ATRNL1: variants seen among roughly 807,000 people sequenced by gnomAD.
ATRNL1 encodes the protein attractin-like protein 1.
A neutral mutation model predicts 182.7 loss-of-function variants in ATRNL1; 95 were observed. That is an observed-to-expected ratio of 0.52 (90% CI 0.44 to 0.62). The LOEUF is 0.62. Ranked by LOEUF, ATRNL1 falls within the 20% of genes least tolerant of loss-of-function variation. The pLI is 0.00. For synonymous variants in ATRNL1, 576 were observed against 568.3 expected, an observed-to-expected ratio of 1.01 and a Z score of -0.19; for missense variants, 1,471 against 1,679.5, an observed-to-expected ratio of 0.88 and a Z score of 2.17.
intron 26 of ATRNL1, among the ~76,000 whole-genome samples, chr10:115,638,837 T>TA (rs1225774399): frequency 2.6e-5 from 4 of 152,274 alleles, no homozygotes; most frequent in East Asian, 3.9e-4. Context: ...AAATTGCGGA[T>TA]AAAACAATAG....
At chr10:115,136,159 T>C (rs1175862425) in intron 5 of ATRNL1, among the ~76,000 whole-genome samples, 1 of 152,186 alleles carries the variant, frequency 6.6e-6, no homozygotes, top group Non-Finnish European at 1.5e-5. Flanking sequence ...CACAAGTTTG[T>C]TGTATAATAT....
At chr10:115,499,804 C>T (rs554181529) in intron 24 of ATRNL1, among the ~76,000 whole-genome samples, 2 of 152,122 alleles carry the variant, frequency 1.3e-5, no homozygotes. Flanking sequence ...GGCTGGTTGG[C>T]CCTAAGCAGT....
intron 21 of ATRNL1, among the ~76,000 whole-genome samples, chr10:115,450,993 T>G (rs1368709049): frequency 6.6e-6 from 1 of 152,130 alleles, no homozygotes; most frequent in Non-Finnish European, 1.5e-5. Context: ...CATCTGATCT[T>G]CAATAAAGCT....
intron 19 of ATRNL1, among the ~76,000 whole-genome samples, chr10:115,353,705 C>A (rs1416716978): frequency 1.3e-5 from 2 of 151,928 alleles, no homozygotes; most frequent in African/African-American, 4.8e-5. Flanking sequence ...TAATTCCTTG[C>A]TTTTTATTTT....
intron 27 of ATRNL1, among the ~76,000 whole-genome samples, chr10:115,847,411 T>G (rs1390636332): frequency 3.3e-5 from 5 of 152,106 alleles, no homozygotes; most frequent in Admixed American, 3.3e-4. Context: ...GATGAATATG[T>G]TACTTCGATT....
At chr10:115,455,565 A>T (rs1847482494) in intron 21 of ATRNL1, among the ~76,000 whole-genome samples, 1 of 152,214 alleles carries the variant, frequency 6.6e-6, no homozygotes, top group Non-Finnish European at 1.5e-5. Context: ...CATTCAGGAC[A>T]TAGGCATGGG....
intron 26 of ATRNL1, among the ~76,000 whole-genome samples, chr10:115,583,067 A>G (rs1313528816): frequency 1.3e-5 from 2 of 150,014 alleles, no homozygotes; most frequent in African/African-American, 2.4e-5. Context: ...CATATGTGGC[A>G]TTATTTCTGA....
intron 10 of ATRNL1, among the ~76,000 whole-genome samples, chr10:115,255,417 C>G (rs188439926): frequency 6.6e-6 from 1 of 152,262 alleles, no homozygotes; most frequent in East Asian, 1.9e-4. Flanking sequence ...TGGGAGTTCA[C>G]TCATGATTTG....
chr10:115,784,801 A>G (rs6585363), intron 27 of ATRNL1, among the ~76,000 whole-genome samples: 124,157 of 152,050 alleles, frequency 0.82, 50,834 homozygotes, highest in East Asian at 0.96. Flanking sequence ...ATTGGGTTAG[A>G]CCCACCCTAA....
At chr10:115,537,521 A>G (rs1267103660) in intron 25 of ATRNL1, among the ~76,000 whole-genome samples, 1 of 152,196 alleles carries the variant, frequency 6.6e-6, no homozygotes, top group East Asian at 1.9e-4. Flanking sequence ...TTATATGTAA[A>G]TTAGCCAAAG....
At chr10:115,815,404 G>GGTGT (rs1213640346) in intron 27 of ATRNL1, among the ~76,000 whole-genome samples, 64 of 98,044 alleles carry the variant, frequency 6.5e-4, no homozygotes, top group East Asian at 2.5e-3. Flanking sequence ...ACTGGTATGT[G>GGTGT]GTGTGTGTGT....
At chr10:115,293,841 G>T (rs114661954) in intron 15 of ATRNL1, among the ~76,000 whole-genome samples, 2,108 of 152,228 alleles carry the variant, frequency 0.014, 41 homozygotes, top group African/African-American at 0.047. Flanking sequence ...TGCTGAAATG[G>T]GGATTTTCCT....
At chr10:115,694,928 CACAT>C (rs72159426) in intron 26 of ATRNL1, among the ~76,000 whole-genome samples, 1,881 of 112,672 alleles carry the variant, frequency 0.017, 114 homozygotes, top group Admixed American at 0.15. Flanking sequence ...CACACACACA[CACAT>C]GCACACACGC....
intron 26 of ATRNL1, among the ~76,000 whole-genome samples, chr10:115,663,225 G>T (rs74158219): frequency 1.3e-5 from 2 of 151,936 alleles, no homozygotes; most frequent in African/African-American, 4.8e-5. Flanking sequence ...AAAGAATTTA[G>T]ATAACTTGAT....
chr10:115,410,233 C>G (rs1307218564), intron 20 of ATRNL1, among the ~76,000 whole-genome samples: 1 of 151,482 alleles, frequency 6.6e-6, no homozygotes, highest in Non-Finnish European at 1.5e-5. Flanking sequence ...TTAACCTAGT[C>G]CTGTTTTACT....
In ATRNL1 at chr10:115,541,094, A is replaced by G. The variant is rs1378198570; in HGVS notation, c.3717-8364A>G. Among the ~76,000 whole-genome samples, 6 of 152,326 alleles carry G rather than the reference A, an allele frequency of 3.9e-5. No individual in the cohort carries two copies. In the East Asian group the frequency reaches 1.2e-3, roughly 29 times the overall value. On this transcript the variant is annotated intron_variant, in intron 25 of 28. Coordinates refer to ENST00000355044, the MANE Select transcript of ATRNL1 (RefSeq NM_207303.4). ...ACAAAAAAACCTAACACTTTTTCTT[A>G]TCGAAAGACACCATTAGCATTATGA...
At chr10:115,931,888 A>G (rs1953407604) in intron 28 of ATRNL1, among the ~76,000 whole-genome samples, 1 of 152,170 alleles carries the variant, frequency 6.6e-6, no homozygotes, top group Admixed American at 6.5e-5. Flanking sequence ...GAACCGGTCT[A>G]TGAGAATTCT....
chr10:115,410,465 G>A (rs1387292762), intron 20 of ATRNL1, among the ~76,000 whole-genome samples: 1 of 151,808 alleles, frequency 6.6e-6, no homozygotes, highest in Non-Finnish European at 1.5e-5. Context: ...GGGACTACAG[G>A]TGTGCACCAC....
Position 115,583,195 on chromosome 10 carries a change from G to A in ATRNL1, c.3795+33659G>A, listed in dbSNP as rs546651031. 6.6e-4 allele frequency among the ~76,000 whole-genome samples: 97 copies of A among 147,808 alleles called. 2 individuals carry two copies. Among genetic ancestry groups the A allele is most frequent in the African/African-American group, 2.3e-3 (95 of 40,864 alleles). On this transcript the variant is annotated intron_variant, in intron 26 of 28. Transcript: ENST00000355044. ...CAGGTAGTGTGATGCCTCCAGCTTTGTTCTTTTGGCTTAGGATTGACTTGG... is the reference window on the plus strand; with the variant it reads ...CAGGTAGTGTGATGCCTCCAGCTTTATTCTTTTGGCTTAGGATTGACTTGG...
Sources: gnomAD v4.1 joint callset for allele counts (sites outside exome capture counted in the v4.1 genomes callset) on GRCh38, gnomAD v4.1.1 for gene constraint, MANE v1.5 for transcripts, NCBI Gene and HGNC (gene_info 2026-07-23, HGNC 2026-07-21) for gene names.